LIX1: variants seen among roughly 807,000 people sequenced by gnomAD.
LIX1 encodes the protein protein limb expression 1 homolog.
A neutral mutation model predicts 33.4 loss-of-function variants in LIX1; 24 were observed. The observed-to-expected ratio is 0.72, with a 90% CI of 0.52 to 1.01. LIX1 has a LOEUF of 1.01. LIX1 is among the 50% of genes least tolerant of loss of function. The pLI is 0.00. For synonymous variants in LIX1, 124 were observed against 124.0 expected, an observed-to-expected ratio of 1.00 and a Z score of 0.00; for missense variants, 311 against 339.2, an observed-to-expected ratio of 0.92 and a Z score of 0.65.
intron 1 of LIX1, among the ~76,000 whole-genome samples, chr5:97,127,982 T>G (rs1212503603): frequency 6.6e-6 from 1 of 152,028 alleles, no homozygotes; most frequent in Non-Finnish European, 1.5e-5. Flanking sequence ...CCCTCATTAT[T>G]CACTCTTTCC....
At chr5:97,135,362 T>C (rs1413313730) in intron 1 of LIX1, among the ~76,000 whole-genome samples, 1 of 152,204 alleles carries the variant, frequency 6.6e-6, no homozygotes, top group African/African-American at 2.4e-5. Flanking sequence ...TTAAGCAGCA[T>C]GCCTGATTCC....
In LIX1 at chr5:97,094,530, G is replaced by T. The variant is rs1417223252; in HGVS notation, c.*218C>A. 1.8e-6 allele frequency: 1 copy of T among 541,614 alleles called. No individual in the cohort carries two copies. Among genetic ancestry groups the T allele is most frequent in the Non-Finnish European group, 3.3e-6 (1 of 306,644 alleles). 33.6% of individuals were successfully genotyped at this position (541,614 alleles called of 1,614,324 possible). On this transcript the variant is annotated 3_prime_UTR_variant, in exon 6 of 6. Coordinates refer to ENST00000274382, the MANE Select transcript of LIX1 (RefSeq NM_153234.5). Reference sequence around the variant, plus strand: ...GTGTCTATCCTTTCATCCTGAGCTGGAACTATTGAGAATGTGATAGAAAAA... The same window carrying T: ...GTGTCTATCCTTTCATCCTGAGCTGTAACTATTGAGAATGTGATAGAAAAA...
chr5:97,100,876 G>GT (rs926590770), intron 4 of LIX1, among the ~76,000 whole-genome samples: 4 of 144,870 alleles, frequency 2.8e-5, no homozygotes, highest in Admixed American at 6.9e-5. Flanking sequence ...GGGCGAAATA[G>GT]TAAGACCTCT....
rs1211057292 is a variant in LIX1, at chr5:97,096,703, C to A, written c.561+107G>T. 6.2e-6 allele frequency: 5 copies of A among 802,058 alleles called. No individual in the cohort carries two copies. The South Asian group carries it at 8.1e-5, about 13-fold the overall frequency. 49.7% of individuals were successfully genotyped at this position (802,058 alleles called of 1,614,324 possible). On this transcript the variant is annotated intron_variant, in intron 5 of 5. Coordinates refer to ENST00000274382, the MANE Select transcript of LIX1 (RefSeq NM_153234.5). ...CCTCTGCTCTTAATAAATAAGGTAC[C>A]AAATTTATATTTGGAAAAATCCGAA... is the stretch of plus-strand genomic sequence containing the variant.
In LIX1 at chr5:97,105,237, G is replaced by A. The variant is rs1654190614; in HGVS notation, c.436C>T (p.His146Tyr). ...DDPSTSVGAYHYMLESNMGKT... is the reference protein window; with the variant it reads ...DDPSTSVGAYYYMLESNMGKT... Reference sequence around the variant, plus strand: ...CCCATGTTTGACTCCAGCATGTAGTGATAGGCCCCAACACTGGTGCTGGGG... The same window carrying A: ...CCCATGTTTGACTCCAGCATGTAGTAATAGGCCCCAACACTGGTGCTGGGG... The change falls in exon 4 of 6, where the codon CAC (histidine) becomes TAC (tyrosine). Residue 146 changes from histidine (H) to tyrosine (Y), a missense_variant. By Grantham distance (83) the His-to-Tyr change is moderately conservative. Transcript: ENST00000274382. 6.2e-7 allele frequency: 1 copy of A among 1,614,042 alleles called. No homozygotes were observed. Among genetic ancestry groups the A allele is most frequent in the Non-Finnish European group, 8.5e-7 (1 of 1,180,022 alleles).
chr5:97,093,798 C>A lies in LIX1; in HGVS notation c.*950G>T, dbSNP rs1746197986. ...GCTACTGGTTGCTTATGTTCTTGAACAACAAACAGAGCTAAAGGGTCCTTC... is the reference window on the plus strand; with the variant it reads ...GCTACTGGTTGCTTATGTTCTTGAAAAACAAACAGAGCTAAAGGGTCCTTC... On this transcript the variant is annotated 3_prime_UTR_variant, in exon 6 of 6. Transcript: ENST00000274382. 6.6e-6 allele frequency: 1 copy of A among 152,196 alleles called. No individual in the cohort carries two copies. Among genetic ancestry groups the A allele is most frequent in the Admixed American group, 6.6e-5 (1 of 15,266 alleles). The allele number at this position is 152,196 out of a possible 1,614,324, so 9.4% of individuals were successfully genotyped here.
chr5:97,105,882 G>A (rs1295853830), intron 3 of LIX1, among the ~76,000 whole-genome samples: 1 of 152,116 alleles, frequency 6.6e-6, no homozygotes, highest in Non-Finnish European at 1.5e-5. Context: ...ATGGCGCTAA[G>A]AAGCTAACAC....
chr5:97,117,642 G>A (rs1747670501), intron 2 of LIX1, among the ~76,000 whole-genome samples: 1 of 152,182 alleles, frequency 6.6e-6, no homozygotes, highest in Non-Finnish European at 1.5e-5. Flanking sequence ...TGCAGATTAA[G>A]TTTGCTTACT....
At chr5:97,119,276 T>C (rs1295306534) in intron 2 of LIX1, among the ~76,000 whole-genome samples, 4 of 152,170 alleles carry the variant, frequency 2.6e-5, no homozygotes, top group African/African-American at 9.7e-5. Flanking sequence ...CATCGTGAAA[T>C]GATTTGTAAT....
chr5:97,093,941 G>T lies in LIX1; in HGVS notation c.*807C>A, dbSNP rs1746204800. The T allele has an allele frequency of 6.6e-6, 1 of 152,266 alleles. No individual in the cohort carries two copies. Among genetic ancestry groups the T allele is most frequent in the African/African-American group, 2.4e-5 (1 of 41,424 alleles). The allele number at this position is 152,266 out of a possible 1,614,324, so 9.4% of individuals were successfully genotyped here. On this transcript the variant is annotated 3_prime_UTR_variant, in exon 6 of 6. Transcript: ENST00000274382. ...TTTTTCTCTCTGTAGATATATGTTT[G>T]CAGTGGCAAAAAATAAGAACAAATT...
chr5:97,142,466 C>G, intron 1 of LIX1, 29 bp downstream of exon 1: 3 of 1,562,370 alleles, frequency 1.9e-6, no homozygotes, highest in Non-Finnish European at 2.6e-6. Flanking sequence ...TCTAAAAAGT[C>G]AAAAAACTTT....
chr5:97,101,560 C>T (rs760937752), intron 4 of LIX1, among the ~76,000 whole-genome samples: 3 of 152,202 alleles, frequency 2.0e-5, no homozygotes, highest in Non-Finnish European at 4.4e-5. Context: ...TTTCTTTCCT[C>T]TTCGGGGAAA....
intron 4 of LIX1, 112 bp from the exon 5 acceptor site, chr5:97,096,999 A>C: frequency 1.2e-6 from 1 of 834,634 alleles, no homozygotes; most frequent in Admixed American, 2.0e-5. Flanking sequence ...AATACACAAT[A>C]TTGTCACAAC....
chr5:97,124,729 C>G, intron 1 of LIX1, 100 bp from the exon 2 acceptor site: 1 of 968,158 alleles, frequency 1.0e-6, no homozygotes, highest in South Asian at 1.9e-5. Context: ...CATGACAGTT[C>G]CAGTTTAAGT....
chr5:97,117,155 A>T (rs1046064132), intron 2 of LIX1, among the ~76,000 whole-genome samples: 3 of 152,076 alleles, frequency 2.0e-5, no homozygotes, highest in Admixed American at 2.0e-4. Context: ...GTTATAACTA[A>T]CCTTCCCGTC....
intron 2 of LIX1, among the ~76,000 whole-genome samples, chr5:97,109,239 G>A (rs953775542): frequency 4.0e-5 from 6 of 151,896 alleles, no homozygotes; most frequent in Admixed American, 2.6e-4. Context: ...CCCAGCCTCC[G>A]GGCCTGGGAG....
chr5:97,106,524 C>T (rs1325779103), intron 3 of LIX1, among the ~76,000 whole-genome samples: 2 of 152,196 alleles, frequency 1.3e-5, no homozygotes, highest in Admixed American at 6.5e-5. Flanking sequence ...GGGGTTTATC[C>T]GTGCTAAAGG....
intron 2 of LIX1, among the ~76,000 whole-genome samples, chr5:97,111,278 A>T (rs77602493): frequency 0.012 from 1,774 of 152,368 alleles, 43 homozygotes; most frequent in African/African-American, 0.041. Flanking sequence ...AGCACTAGAC[A>T]TAATGTTCAA....
In LIX1 at chr5:97,128,244, T is replaced by C. The variant is rs999865211; in HGVS notation, c.83-3615A>G. On this transcript the variant is annotated intron_variant, in intron 1 of 5. Coordinates refer to ENST00000274382, the MANE Select transcript of LIX1 (RefSeq NM_153234.5). ...TATTCCACTGAAATTACTACAAATG[T>C]ACCAATTCCTGGTTTTCAGTCCTTA... Among the ~76,000 whole-genome samples, 6 of 152,226 alleles carry C rather than the reference T, an allele frequency of 3.9e-5. No homozygotes were observed. In the South Asian group the frequency reaches 8.3e-4, roughly 21 times the overall value.
Sources: gnomAD v4.1 joint callset for allele counts (sites outside exome capture counted in the v4.1 genomes callset) on GRCh38, gnomAD v4.1.1 for gene constraint, MANE v1.5 for transcripts, NCBI Gene and HGNC (gene_info 2026-07-23, HGNC 2026-07-21) for gene names.